EPHA6: variants seen among roughly 807,000 people sequenced by gnomAD.
EPHA6 encodes the protein EPH receptor A6, also known as ephrin type-A receptor 6.
EPHA6 carries 50 observed loss-of-function variants against 112.0 expected under a neutral mutation model. The ratio of observed to expected loss-of-function variants is 0.45; its 90% CI spans 0.36 to 0.56. The LOEUF is 0.56. Among genes scored for constraint, EPHA6 ranks in the 20% least tolerant of loss-of-function variants. The pLI, the probability that EPHA6 is intolerant of heterozygous loss-of-function variation, is 0.00. For missense variants in EPHA6, 1,280 were observed against 1,417.4 expected (o/e 0.90, Z 1.56); for synonymous variants, 529 against 490.7 (o/e 1.08, Z -1.03).
At chr3:97,530,658 G>A (rs188200840) in intron 10 of EPHA6, among the ~76,000 whole-genome samples, 4 of 150,830 alleles carry the variant, frequency 2.7e-5, no homozygotes, top group South Asian at 2.1e-4. Context: ...TTTATAAAAC[G>A]CCAATATCAT....
intron 10 of EPHA6, among the ~76,000 whole-genome samples, chr3:97,511,898 C>T (rs1226644677): frequency 6.6e-6 from 1 of 151,926 alleles, no homozygotes; most frequent in Non-Finnish European, 1.5e-5. Flanking sequence ...ATTTGGATTG[C>T]TTCTTATAAT....
At chr3:97,732,685 TTGTC>T (rs2035089290) in intron 15 of EPHA6, among the ~76,000 whole-genome samples, 2 of 152,042 alleles carry the variant, frequency 1.3e-5, no homozygotes, top group African/African-American at 4.8e-5. Context: ...TTATGATTAT[TTGTC>T]TGTAAAATGG....
intron 3 of EPHA6, among the ~76,000 whole-genome samples, chr3:97,183,731 G>A (rs1014200856): frequency 7.9e-5 from 12 of 152,066 alleles, no homozygotes; most frequent in Admixed American, 1.3e-4. Context: ...ATAGATGTTC[G>A]TGTTTTCCTG....
chr3:97,383,157 T>C (rs2085851084), intron 5 of EPHA6, among the ~76,000 whole-genome samples: 1 of 151,992 alleles, frequency 6.6e-6, no homozygotes, highest in Non-Finnish European at 1.5e-5. Flanking sequence ...AATATGTTGA[T>C]TTGGAAAATA....
chr3:97,127,739 C>G (rs1385332474), intron 3 of EPHA6, among the ~76,000 whole-genome samples: 1 of 150,698 alleles, frequency 6.6e-6, no homozygotes, highest in African/African-American at 2.4e-5. Context: ...AAAGAATGAA[C>G]TTCCTGCTTC....
chr3:97,137,365 A>G (rs979785352), intron 3 of EPHA6, among the ~76,000 whole-genome samples: 17 of 152,122 alleles, frequency 1.1e-4, no homozygotes, highest in African/African-American at 4.1e-4. Context: ...TGCCAGGAGT[A>G]TATGCTAGAG....
At chr3:97,721,984 T>C (rs370486850) in intron 15 of EPHA6, among the ~76,000 whole-genome samples, 44 of 152,284 alleles carry the variant, frequency 2.9e-4, no homozygotes, top group African/African-American at 1.1e-3. Flanking sequence ...AGATAATGCT[T>C]GCCTGCTTGT....
chr3:96,917,965 T>C (rs866149370), intron 2 of EPHA6, among the ~76,000 whole-genome samples: 1 of 152,162 alleles, frequency 6.6e-6, no homozygotes, highest in Middle Eastern at 3.4e-3. Context: ...CTAAGGAAGC[T>C]CAGTAAAATC....
At position 96,814,907 on chromosome 3, in the gene EPHA6, T is replaced by C. The variant is rs1374029188; in HGVS notation, c.284T>C (p.Met95Thr). The C allele has an allele frequency of 1.3e-6, 2 of 1,552,800 alleles. No homozygotes were observed. Among genetic ancestry groups the C allele is most frequent in the African/African-American group, 1.4e-5 (1 of 73,048 alleles). ...RERKREPRRT[M>T]GGCEVREFLL... ...AGGAAAAGAGAGCCTAGGAGAACCA[T>C]GGGGGGCTGCGAAGTCCGGGAATTT... The change falls in exon 1 of 18, where the codon ATG (methionine) becomes ACG (threonine). Residue 95 changes from methionine (M) to threonine (T), a missense_variant. Met to Thr is a moderately conservative substitution (Grantham distance 81, BLOSUM62 -1). Around this residue, in one of 4 missense-constraint regions of EPHA6, gnomAD observed 220 missense variants for 171.5 expected, o/e 1.28. Transcript: ENST00000389672.
At chr3:97,276,887 C>T (rs2080101338) in intron 5 of EPHA6, among the ~76,000 whole-genome samples, 1 of 152,084 alleles carries the variant, frequency 6.6e-6, no homozygotes, top group South Asian at 2.1e-4. Context: ...TAGCTCCAGC[C>T]ACCAATTGCT....
At chr3:97,462,851 A>G in intron 7 of EPHA6, among the ~76,000 whole-genome samples, 1 of 152,178 alleles carries the variant, frequency 6.6e-6, no homozygotes, top group Middle Eastern at 3.2e-3. Context: ...CAGAGCACCA[A>G]GTAGGAACAC....
chr3:97,619,058 T>C (rs984889618), intron 13 of EPHA6, among the ~76,000 whole-genome samples: 15 of 152,138 alleles, frequency 9.9e-5, no homozygotes, highest in Admixed American at 8.5e-4. Context: ...AAAGAGCTTA[T>C]CCACCATGAT....
chr3:96,975,896 T>C (rs1338174938), intron 2 of EPHA6, among the ~76,000 whole-genome samples: 1 of 152,194 alleles, frequency 6.6e-6, no homozygotes, highest in Non-Finnish European at 1.5e-5. Flanking sequence ...TTAACTCTTT[T>C]CTACATTATA....
chr3:97,673,317 C>G (rs1032586841), intron 14 of EPHA6, among the ~76,000 whole-genome samples: 3 of 152,164 alleles, frequency 2.0e-5, no homozygotes, highest in South Asian at 4.1e-4. Context: ...GCAGAGGCAA[C>G]TGGTGTTACT....
At chr3:96,970,391 G>T (rs1231657143) in intron 2 of EPHA6, among the ~76,000 whole-genome samples, 2 of 151,938 alleles carry the variant, frequency 1.3e-5, no homozygotes, top group Admixed American at 6.6e-5. Context: ...TGTGATGTTT[G>T]CAAGCTTCAG....
At chr3:96,855,001 C>G (rs939880675) in intron 1 of EPHA6, among the ~76,000 whole-genome samples, 2 of 152,142 alleles carry the variant, frequency 1.3e-5, no homozygotes, top group Non-Finnish European at 2.9e-5. Context: ...AGTGCAACTG[C>G]GTTCCATTCT....
chr3:96,828,205 TAC>T (rs1451080257), intron 1 of EPHA6, among the ~76,000 whole-genome samples: 3 of 152,142 alleles, frequency 2.0e-5, no homozygotes, highest in African/African-American at 7.2e-5. Flanking sequence ...ATTGGGGTTC[TAC>T]TAAACTTTTG....
At chr3:97,578,340 C>T (rs1289067638) in intron 11 of EPHA6, among the ~76,000 whole-genome samples, 1 of 151,976 alleles carries the variant, frequency 6.6e-6, no homozygotes, top group Non-Finnish European at 1.5e-5. Context: ...GTGTAAGTTG[C>T]ATTTTTCAAG....
chr3:97,317,636 T>G (rs1227262540), intron 5 of EPHA6, among the ~76,000 whole-genome samples: 2 of 152,058 alleles, frequency 1.3e-5, no homozygotes, highest in African/African-American at 2.4e-5. Context: ...GGAGTTTTTT[T>G]TTAATTTGTG....
Sources: allele counts gnomAD v4.1 joint callset (sites outside exome capture counted in the v4.1 genomes callset), GRCh38; gene constraint gnomAD v4.1.1; regional missense constraint gnomAD v4.1.1; transcripts MANE v1.5; gene names NCBI Gene and HGNC (gene_info 2026-07-23, HGNC 2026-07-21).